The following COL22A1 variants were observed in gnomAD, a reference collection of about 807,000 sequenced individuals.
COL22A1 encodes collagen alpha-1(XXII) chain.
COL22A1 carries 221 observed loss-of-function variants against 248.9 expected under a neutral mutation model. The ratio of observed to expected loss-of-function variants is 0.89; its 90% CI spans 0.80 to 0.99. COL22A1 has a LOEUF of 0.99. Ranked by LOEUF, COL22A1 falls within the 50% of genes least tolerant of loss-of-function variation. The pLI, the probability that COL22A1 is intolerant of heterozygous loss-of-function variation, is 0.00. For synonymous variants in COL22A1, 891 were observed against 793.4 expected (o/e 1.12, Z -2.07); for missense variants, 2,240 against 2,179.0 (o/e 1.03, Z -0.56).
intron 1 of COL22A1, among the ~76,000 whole-genome samples, chr8:138,900,042 T>C (rs539531409): frequency 4.6e-5 from 7 of 152,346 alleles, no homozygotes; most frequent in African/African-American, 1.7e-4. Context: ...CATTGCTTTA[T>C]TTCTTCAGAA....
intron 1 of COL22A1, among the ~76,000 whole-genome samples, chr8:138,902,539 A>T (rs2132164401): frequency 6.6e-6 from 1 of 151,960 alleles, no homozygotes; most frequent in East Asian, 1.9e-4. Context: ...CTACTAAAAA[A>T]TACAAAAACA....
chr8:138,596,166 G>C (rs1385795936), intron 62 of COL22A1, among the ~76,000 whole-genome samples: 1 of 152,190 alleles, frequency 6.6e-6, no homozygotes. Flanking sequence ...CCAACATGTT[G>C]GCACGATTAC....
intron 47 of COL22A1, among the ~76,000 whole-genome samples, chr8:138,639,954 C>T (rs539634124): frequency 2.1e-4 from 32 of 152,254 alleles, no homozygotes; most frequent in South Asian, 1.0e-3. Flanking sequence ...AGACGGCCAC[C>T]GCAATTACCA....
chr8:138,877,930 C>T lies in COL22A1; in HGVS notation c.478G>A (p.Asp160Asn). 6.2e-7 allele frequency: 1 copy of T among 1,605,920 alleles called. No individual in the cohort carries two copies. Among genetic ancestry groups the T allele is most frequent in the Non-Finnish European group, 8.5e-7 (1 of 1,176,224 alleles). ...TDGRSQDLVL[D>N]AAAAAHRAGI... is the part of the protein sequence containing the mutation. ...GCGCGGTGGGCTGCCGCCGCGGCGTCCAGCACCAGGTCCTGGCTGCGGCCG... is the reference window on the plus strand; with the variant it reads ...GCGCGGTGGGCTGCCGCCGCGGCGTTCAGCACCAGGTCCTGGCTGCGGCCG... Residue 160 changes from aspartate to asparagine, a missense_variant, in exon 3 of 65, where the codon GAC (aspartate) becomes AAC (asparagine). By Grantham distance (23) the Asp-to-Asn change is conservative (BLOSUM62 1). Transcript: ENST00000303045.
At position 138,878,326 on chromosome 8, in the gene COL22A1, T is replaced by G. The variant is rs754718836; in HGVS notation, c.92-10A>C. 2.0e-6 allele frequency: 3 copies of G among 1,518,418 alleles called. No homozygotes were observed. In the South Asian group the frequency reaches 3.9e-5, roughly 20 times the overall value. 94.1% of individuals were successfully genotyped at this position (1,518,418 alleles called of 1,614,324 possible). On this transcript the variant is annotated splice_polypyrimidine_tract_variant and intron_variant, in intron 2 of 64. Transcript: ENST00000303045. Reference sequence around the variant, plus strand: ...TGGACACTTTTGCAACCTGCAGGGGTGAGAGAAGGGGTGGCGTAGGGCAAA... The same window carrying G: ...TGGACACTTTTGCAACCTGCAGGGGGGAGAGAAGGGGTGGCGTAGGGCAAA...
At chr8:138,628,209 T>C in intron 50 of COL22A1, among the ~76,000 whole-genome samples, 1 of 152,136 alleles carries the variant, frequency 6.6e-6, no homozygotes, top group Non-Finnish European at 1.5e-5. Context: ...TGCCAAACAG[T>C]TTGTCTTTTA....
At chr8:138,729,554 CT>C (rs1830560588) in intron 23 of COL22A1, among the ~76,000 whole-genome samples, 1 of 152,212 alleles carries the variant, frequency 6.6e-6, no homozygotes, top group South Asian at 2.1e-4. Context: ...GAGAGAGAAG[CT>C]GGAAGCAGCT....
intron 16 of COL22A1, among the ~76,000 whole-genome samples, chr8:138,770,470 C>A (rs934853997): frequency 6.6e-6 from 1 of 152,216 alleles, no homozygotes; most frequent in Admixed American, 6.5e-5. Context: ...AGGGCCGTCT[C>A]CCTGCTTTAC....
intron 61 of COL22A1, among the ~76,000 whole-genome samples, chr8:138,598,352 G>A (rs1817716763): frequency 6.6e-6 from 1 of 152,100 alleles, no homozygotes; most frequent in African/African-American, 2.4e-5. Context: ...CTGGGAGCTG[G>A]GTGTCTTCTC....
intron 14 of COL22A1, 33 bp from the exon 15 acceptor site, chr8:138,778,439 G>C (rs1184494050): frequency 7.7e-6 from 12 of 1,554,356 alleles, no homozygotes; most frequent in African/African-American, 1.4e-5. Context: ...TAAAGTTTCA[G>C]GGATGGAAAA....
At chr8:138,601,703 C>G (rs897240406) in intron 60 of COL22A1, among the ~76,000 whole-genome samples, 5 of 152,148 alleles carry the variant, frequency 3.3e-5, no homozygotes, top group Admixed American at 3.3e-4. Flanking sequence ...ATGGGAAAAT[C>G]TGTTCCCTTG....
intron 21 of COL22A1, 37 bp from the exon 22 acceptor site, chr8:138,751,548 A>G: frequency 6.8e-7 from 1 of 1,463,306 alleles, no homozygotes; most frequent in Non-Finnish European, 9.5e-7. Flanking sequence ...AGAGAGAAAC[A>G]TAATGGTAAA....
At chr8:138,626,095 C>A (rs996071264) in intron 51 of COL22A1, 95 bp downstream of exon 51, 1 of 908,256 alleles carries the variant, frequency 1.1e-6, no homozygotes, top group Non-Finnish European at 1.7e-6. Flanking sequence ...AGTGGCCAGG[C>A]CTTGTTTTGA....
At chr8:138,864,698 T>A (rs1038195340) in intron 3 of COL22A1, among the ~76,000 whole-genome samples, 2 of 152,194 alleles carry the variant, frequency 1.3e-5, no homozygotes, top group Non-Finnish European at 1.5e-5. Context: ...GAGCCAGATC[T>A]GGCCCAGAAC....
intron 1 of COL22A1, among the ~76,000 whole-genome samples, chr8:138,892,758 G>C (rs1825153627): frequency 6.6e-6 from 1 of 152,240 alleles, no homozygotes; most frequent in African/African-American, 2.4e-5. Flanking sequence ...ACACTGAGCA[G>C]AAAGCAATTT....
chr8:138,642,506 T>A (rs1821803249), intron 47 of COL22A1, among the ~76,000 whole-genome samples: 1 of 152,170 alleles, frequency 6.6e-6, no homozygotes, highest in South Asian at 2.1e-4. Context: ...AACCCCTGTA[T>A]TTCAGATGCA....
chr8:138,764,628 T>C (rs1328146262), intron 16 of COL22A1, among the ~76,000 whole-genome samples: 1 of 152,252 alleles, frequency 6.6e-6, no homozygotes, highest in East Asian at 1.9e-4. Context: ...TCCAGAACAT[T>C]GATGTACACT....
intron 32 of COL22A1, among the ~76,000 whole-genome samples, chr8:138,697,342 G>C (rs957484143): frequency 1.3e-5 from 2 of 152,204 alleles, no homozygotes; most frequent in Non-Finnish European, 2.9e-5. Flanking sequence ...AGCAGGGTGA[G>C]GGGGTAGAAT....
intron 22 of COL22A1, among the ~76,000 whole-genome samples, chr8:138,745,467 T>C (rs1370410444): frequency 6.6e-6 from 1 of 152,242 alleles, no homozygotes; most frequent in Non-Finnish European, 1.5e-5. Flanking sequence ...ATGCGTATTT[T>C]ATAGGCATAT....
Sources: gnomAD v4.1 joint callset for allele counts (sites outside exome capture counted in the v4.1 genomes callset) on GRCh38, gnomAD v4.1.1 for gene constraint, MANE v1.5 for transcripts, NCBI Gene and HGNC (gene_info 2026-07-23, HGNC 2026-07-21) for gene names.